The following PPP2R2C variants were observed in gnomAD, a reference collection of about 807,000 sequenced individuals.
PPP2R2C encodes the protein protein phosphatase 2 regulatory subunit Bgamma, also known as protein phosphatase 2, regulatory subunit B, gamma.
PPP2R2C carries 10 observed loss-of-function variants against 45.3 expected under a neutral mutation model. That is an observed-to-expected ratio of 0.22 (90% CI 0.14 to 0.37). The LOEUF (loss-of-function observed/expected upper bound fraction) is 0.37, where lower values mean the gene tolerates loss of function less well. Among genes scored for constraint, PPP2R2C ranks in the 10% least tolerant of loss-of-function variants. PPP2R2C has a pLI of 1.00. For synonymous variants in PPP2R2C, 257 were observed against 245.4 expected, an observed-to-expected ratio of 1.05 and a Z score of -0.44; for missense variants, 308 against 619.7, an observed-to-expected ratio of 0.50 and a Z score of 5.34.
intron 1 of PPP2R2C, among the ~76,000 whole-genome samples, chr4:6,396,036 CG>C (rs1165416411): frequency 6.6e-6 from 1 of 152,198 alleles, no homozygotes; most frequent in Non-Finnish European, 1.5e-5. Context: ...CCTGGGTCAC[CG>C]GGGAACTCAC....
intron 2 of PPP2R2C, among the ~76,000 whole-genome samples, chr4:6,491,808 T>A (rs1722707831): frequency 6.6e-6 from 1 of 152,210 alleles, no homozygotes; most frequent in South Asian, 2.1e-4. Flanking sequence ...TACTTCCCCT[T>A]GGCTTTCTGC....
chr4:6,400,283 T>C (rs7437478), intron 1 of PPP2R2C, among the ~76,000 whole-genome samples: 41,891 of 152,086 alleles, frequency 0.28, 6,550 homozygotes, highest in East Asian at 0.71. Context: ...TCTATTAAGC[T>C]AGAGATTAAA....
At chr4:6,416,188 A>G (rs947119615) in intron 1 of PPP2R2C, among the ~76,000 whole-genome samples, 7 of 79,298 alleles carry the variant, frequency 8.8e-5, no homozygotes, top group Admixed American at 7.8e-4. Flanking sequence ...AACCTTCCAT[A>G]ACAAGGATAT....
At chr4:6,377,180 C>T (rs896698309) in intron 3 of PPP2R2C, among the ~76,000 whole-genome samples, 11 of 152,368 alleles carry the variant, frequency 7.2e-5, no homozygotes, top group Middle Eastern at 6.8e-3. Context: ...GGAGCGTGGA[C>T]GTCCTCGGGG....
chr4:6,478,678 C>T (rs1011445538), intron 2 of PPP2R2C, among the ~76,000 whole-genome samples: 9 of 152,248 alleles, frequency 5.9e-5, no homozygotes, highest in African/African-American at 1.9e-4. Context: ...ACATAGGTGA[C>T]TTCATTCTGT....
chr4:6,380,929 C>T, intron 2 of PPP2R2C, 68 bp downstream of exon 2: 1 of 1,453,730 alleles, frequency 6.9e-7, no homozygotes, highest in South Asian at 1.5e-5. Flanking sequence ...CCCCTCCCAC[C>T]ATGCCCGCCT....
intron 2 of PPP2R2C, among the ~76,000 whole-genome samples, chr4:6,483,966 A>G (rs1722452669): frequency 6.6e-6 from 1 of 152,050 alleles, no homozygotes; most frequent in African/African-American, 2.4e-5. Flanking sequence ...AAATACAGCC[A>G]TATCTATTCA....
chr4:6,505,241 T>C (rs2108797272), intron 2 of PPP2R2C, among the ~76,000 whole-genome samples: 1 of 152,242 alleles, frequency 6.6e-6, no homozygotes, highest in South Asian at 2.1e-4. Context: ...TAAAGACATT[T>C]TCAGATTTAA....
In PPP2R2C at chr4:6,456,317, C is replaced by A. The variant is rs6821739; in HGVS notation, c.70+15843G>T. The stretch of plus-strand genomic sequence containing the variant: ...ATGAAGGATGTTATTTCCCCCCCCC[C>A]CCTTTATTCTACTGTCTACACGTTC... On this transcript the variant is annotated intron_variant, in intron 1 of 8. Transcript: ENST00000382599. Among the ~76,000 whole-genome samples, 10 of 144,716 alleles carry A rather than the reference C, an allele frequency of 6.9e-5. No homozygotes were observed. The South Asian group carries it at 1.2e-3, about 18-fold the overall frequency. 94.9% of individuals were successfully genotyped at this position (144,716 alleles called of 152,430 possible).
intron 6 of PPP2R2C, among the ~76,000 whole-genome samples, chr4:6,338,642 C>T (rs1305950994): frequency 6.6e-6 from 1 of 152,162 alleles, no homozygotes; most frequent in Non-Finnish European, 1.5e-5. Flanking sequence ...AGCTCCTTCT[C>T]AATGGGTCCC....
chr4:6,365,459 C>T lies in PPP2R2C; in HGVS notation c.625+7064G>A, dbSNP rs866208462. Among the ~76,000 whole-genome samples, 13 of 152,192 alleles carry T rather than the reference C, an allele frequency of 8.5e-5. No individual in the cohort carries two copies. In the South Asian group the frequency reaches 1.0e-3, roughly 12 times the overall value. The stretch of plus-strand genomic sequence containing the variant: ...ACACGGCACCAGGCCCCATACTCAT[C>T]GGCCATTCCACCTTTACAGCTCCTG... On this transcript the variant is annotated intron_variant, in intron 5 of 8. Coordinates refer to ENST00000382599, the MANE Select transcript of PPP2R2C (RefSeq NM_020416.4).
chr4:6,375,301 C>G (rs1018072593), intron 4 of PPP2R2C, among the ~76,000 whole-genome samples: 2 of 152,234 alleles, frequency 1.3e-5, no homozygotes, highest in Non-Finnish European at 2.9e-5. Context: ...TGGCGGCTCA[C>G]TGGATGCTGG....
At position 6,368,238 on chromosome 4, in the gene PPP2R2C, C is replaced by T. The variant is rs892567146; in HGVS notation, c.625+4285G>A. On this transcript the variant is annotated intron_variant, in intron 5 of 8. Transcript: ENST00000382599. The surrounding 1 kb of genome is among the most constrained non-coding windows in gnomAD (Gnocchi z 4.2). ...ACATCCTCACTTGGCAAAAACCACA[C>T]CCCTGGCTTACCCTCCACCGACCTG... is the stretch of plus-strand genomic sequence containing the variant. 6.6e-6 allele frequency among the ~76,000 whole-genome samples: 1 copy of T among 152,170 alleles called. No homozygotes were observed.
chr4:6,457,956 C>A (rs552252044), intron 1 of PPP2R2C, among the ~76,000 whole-genome samples: 3 of 152,326 alleles, frequency 2.0e-5, no homozygotes, highest in Admixed American at 2.0e-4. Flanking sequence ...TTTTTCCCAG[C>A]CTCGCTTCCT....
At chr4:6,421,993 C>G (rs1719008770) in intron 1 of PPP2R2C, among the ~76,000 whole-genome samples, 1 of 151,986 alleles carries the variant, frequency 6.6e-6, no homozygotes, top group Admixed American at 6.6e-5. Flanking sequence ...AGAGCTACTC[C>G]CTGTTGCAAA....
At chr4:6,446,537 T>A (rs1285844606) in intron 1 of PPP2R2C, among the ~76,000 whole-genome samples, 1 of 152,050 alleles carries the variant, frequency 6.6e-6, no homozygotes, top group Non-Finnish European at 1.5e-5. Flanking sequence ...GGCATAAAAA[T>A]CAGGTAAGAT....
rs752918306 is a variant in PPP2R2C at position 6,378,539 on chromosome 4, C to T, written c.202G>A (p.Asp68Asn). 10 of 1,613,922 alleles carry T rather than the reference C, an allele frequency of 6.2e-6. No individual in the cohort carries two copies. Among genetic ancestry groups the T allele is most frequent in the African/African-American group, 2.7e-5 (2 of 74,924 alleles). ...TGGCTCTGGAAAGTGCTGTACACGT[C>T]GTATTCGCCCTGGCTGTGGGGCGCA... ...KNAPHSQGEY[D>N]VYSTFQSHEP... The change falls in exon 3 of 9, where the codon GAC becomes AAC. Residue 68 changes from aspartate to asparagine, a missense_variant. Asp to Asn is a conservative substitution (Grantham distance 23, BLOSUM62 1). Transcript: ENST00000382599. This position sits in a 1 kb window ranked among gnomAD's most constrained non-coding sequence, Gnocchi z 5.2.
At chr4:6,456,315 C>A (rs1051920920) in intron 1 of PPP2R2C, among the ~76,000 whole-genome samples, 2 of 148,262 alleles carry the variant, frequency 1.3e-5, no homozygotes, top group Non-Finnish European at 3.0e-5. Context: ...TTTCCCCCCC[C>A]CCCCTTTATT....
intron 5 of PPP2R2C, among the ~76,000 whole-genome samples, chr4:6,351,580 T>C (rs1312740159): frequency 1.3e-5 from 2 of 152,198 alleles, no homozygotes; most frequent in Admixed American, 1.3e-4. Context: ...TCTCCTGCTC[T>C]TTCTCTCTGT....
Sources: gnomAD v4.1 joint callset for allele counts (sites outside exome capture counted in the v4.1 genomes callset) on GRCh38, gnomAD v4.1.1 for gene constraint, Gnocchi (gnomAD v3.1) non-coding constraint, MANE v1.5 for transcripts, NCBI Gene and HGNC (gene_info 2026-07-23, HGNC 2026-07-21) for gene names.